The following CNTN5 variants were observed in gnomAD, a reference collection of about 807,000 sequenced individuals.
The protein encoded by CNTN5 is contactin 5.
CNTN5 carries 77 observed loss-of-function variants against 129.1 expected under a neutral mutation model. The observed-to-expected ratio is 0.60, with a 90% CI of 0.50 to 0.72. The LOEUF (loss-of-function observed/expected upper bound fraction) is 0.72, where lower values mean the gene tolerates loss of function less well. CNTN5 is among the 30% of genes least tolerant of loss of function. The pLI is 0.00. For synonymous variants in CNTN5, 509 were observed against 465.6 expected (o/e 1.09, Z -1.20); for missense variants, 1,478 against 1,328.8 (o/e 1.11, Z -1.75).
At chr11:99,810,470 C>A (rs1458488572) in intron 3 of CNTN5, among the ~76,000 whole-genome samples, 1 of 152,040 alleles carries the variant, frequency 6.6e-6, no homozygotes, top group African/African-American at 2.4e-5. Flanking sequence ...TGTATTTCAT[C>A]CTCTGCATAT....
intron 6 of CNTN5, among the ~76,000 whole-genome samples, chr11:99,898,484 G>GTTCCTGC (rs1407283831): frequency 2.6e-5 from 4 of 151,962 alleles, no homozygotes; most frequent in Non-Finnish European, 5.9e-5. Flanking sequence ...AAATAGCATA[G>GTTCCTGC]TTCCTGCTTC....
chr11:99,463,627 A>C (rs1258495844), intron 2 of CNTN5, among the ~76,000 whole-genome samples: 1 of 152,158 alleles, frequency 6.6e-6, no homozygotes, highest in Non-Finnish European at 1.5e-5. Context: ...AATCTGAGAC[A>C]GAATCAGTCA....
intron 2 of CNTN5, among the ~76,000 whole-genome samples, chr11:99,372,658 A>G (rs112268108): frequency 4.6e-5 from 7 of 152,270 alleles, no homozygotes; most frequent in African/African-American, 1.7e-4. Context: ...TAATGAAGCT[A>G]TAGAATAGGA....
chr11:100,091,116 C>A (rs1944764098), intron 13 of CNTN5, among the ~76,000 whole-genome samples: 1 of 152,074 alleles, frequency 6.6e-6, no homozygotes, highest in Non-Finnish European at 1.5e-5. Flanking sequence ...TCCCGCATTT[C>A]TTCATGCTCA....
intron 13 of CNTN5, among the ~76,000 whole-genome samples, chr11:100,165,585 G>C (rs986326655): frequency 1.3e-5 from 2 of 151,620 alleles, no homozygotes; most frequent in Non-Finnish European, 2.9e-5. Context: ...AAAATTAATT[G>C]GGTTACCTTC....
intron 1 of CNTN5, among the ~76,000 whole-genome samples, chr11:99,211,448 A>G (rs956318644): frequency 6.6e-6 from 1 of 152,082 alleles, no homozygotes; most frequent in Admixed American, 6.6e-5. Flanking sequence ...ATGCCATGTG[A>G]GTCATATGTG....
chr11:99,157,894 C>A (rs1324553405), intron 1 of CNTN5, among the ~76,000 whole-genome samples: 1 of 152,104 alleles, frequency 6.6e-6, no homozygotes, highest in Non-Finnish European at 1.5e-5. Flanking sequence ...GTGGCATATG[C>A]TGAAACTGAG....
rs539267788 is a variant in CNTN5 at position 99,450,681 on chromosome 11, T to C, written c.-70-105464T>C. 4.6e-5 allele frequency among the ~76,000 whole-genome samples: 7 copies of C among 151,658 alleles called. No homozygotes were observed. In the South Asian group the frequency reaches 1.5e-3, roughly 32 times the overall value. On this transcript the variant is annotated intron_variant, in intron 2 of 24. Transcript: ENST00000524871. Reference sequence around the variant, plus strand: ...ATATTGTACTGCCATCTCCATCCCCTGGTCATCTCAGTATGAGAGCTGAAA... The same window carrying C: ...ATATTGTACTGCCATCTCCATCCCCCGGTCATCTCAGTATGAGAGCTGAAA...
intron 2 of CNTN5, among the ~76,000 whole-genome samples, chr11:99,363,564 A>G (rs1396916990): frequency 6.6e-6 from 1 of 152,104 alleles, no homozygotes; most frequent in Non-Finnish European, 1.5e-5. Context: ...TGTTGGGAAC[A>G]TGATGTTCTC....
At chr11:100,082,851 C>A (rs189221643) in intron 13 of CNTN5, among the ~76,000 whole-genome samples, 1 of 152,054 alleles carries the variant, frequency 6.6e-6, no homozygotes, top group Non-Finnish European at 1.5e-5. Context: ...GAGGAAATAC[C>A]TGAGGCATGG....
chr11:99,756,486 T>C (rs1944407628), intron 3 of CNTN5, among the ~76,000 whole-genome samples: 1 of 152,098 alleles, frequency 6.6e-6, no homozygotes, highest in South Asian at 2.1e-4. Flanking sequence ...GAAAGGTAGA[T>C]TGCATCTTGT....
chr11:99,624,732 C>T (rs1010848506), intron 3 of CNTN5, among the ~76,000 whole-genome samples: 33 of 152,154 alleles, frequency 2.2e-4, no homozygotes, highest in Admixed American at 1.0e-3. Context: ...GGTTATTAAG[C>T]TCTTGGCAAA....
chr11:99,232,159 A>G (rs2135731880), intron 1 of CNTN5, among the ~76,000 whole-genome samples: 1 of 152,254 alleles, frequency 6.6e-6, no homozygotes, highest in South Asian at 2.1e-4. Context: ...TATGAATTTT[A>G]AAATAGTTTT....
At chr11:99,615,005 A>G (rs1367898829) in intron 3 of CNTN5, among the ~76,000 whole-genome samples, 2 of 149,870 alleles carry the variant, frequency 1.3e-5, no homozygotes, top group East Asian at 1.9e-4. Context: ...ATATAGAAGT[A>G]ATACTATATC....
intron 2 of CNTN5, among the ~76,000 whole-genome samples, chr11:99,370,217 G>A (rs1296162917): frequency 6.6e-6 from 1 of 152,204 alleles, no homozygotes; most frequent in Non-Finnish European, 1.5e-5. Context: ...GTGGAATTGA[G>A]AAGGCTTGGT....
At chr11:99,443,529 C>A (rs533139494) in intron 2 of CNTN5, among the ~76,000 whole-genome samples, 2 of 152,154 alleles carry the variant, frequency 1.3e-5, no homozygotes, top group Non-Finnish European at 2.9e-5. Flanking sequence ...ATGAAAAATG[C>A]AAACTGATGT....
intron 2 of CNTN5, among the ~76,000 whole-genome samples, chr11:99,354,879 G>C (rs989318650): frequency 6.6e-6 from 1 of 152,134 alleles, no homozygotes; most frequent in Non-Finnish European, 1.5e-5. Context: ...TCATGGCCCA[G>C]AGAAAATTCA....
chr11:99,819,873 GA>G, intron 4 of CNTN5, 108 bp downstream of exon 4: 1 of 738,610 alleles, frequency 1.4e-6, no homozygotes. Flanking sequence ...GAGAGTGATT[GA>G]ACTCAACTCT....
At chr11:99,179,971 C>T (rs752891368) in intron 1 of CNTN5, among the ~76,000 whole-genome samples, 1 of 152,148 alleles carries the variant, frequency 6.6e-6, no homozygotes, top group Non-Finnish European at 1.5e-5. Context: ...ATTATATTCT[C>T]TCTATATCTC....
Sources: gnomAD v4.1 joint callset for allele counts (sites outside exome capture counted in the v4.1 genomes callset) on GRCh38, gnomAD v4.1.1 for gene constraint, MANE v1.5 for transcripts, NCBI Gene and HGNC (gene_info 2026-07-23, HGNC 2026-07-21) for gene names.